PCDH9: variants seen among roughly 807,000 people sequenced by gnomAD.
PCDH9 encodes protocadherin 9, also known as protocadherin-9.
Under a neutral mutation model 70.6 loss-of-function variants are expected in PCDH9, and 24 were observed. That is an observed-to-expected ratio of 0.34 (90% confidence interval 0.25 to 0.48). The LOEUF is 0.48. PCDH9 is among the 20% of genes least tolerant of loss of function. PCDH9 has a pLI of 0.99. For synonymous variants in PCDH9, 562 were observed against 558.5 expected (o/e 1.01, Z -0.09); for missense variants, 1,281 against 1,503.6 (o/e 0.85, Z 2.45).
At chr13:66,607,950 A>C (rs1007828617) in intron 4 of PCDH9, among the ~76,000 whole-genome samples, 1 of 152,166 alleles carries the variant, frequency 6.6e-6, no homozygotes, top group Non-Finnish European at 1.5e-5. Flanking sequence ...TTGCAAAAAA[A>C]GGTTTTTCAA....
intron 3 of PCDH9, among the ~76,000 whole-genome samples, chr13:66,824,303 GTATATATATATATATATATATATATA>G (rs60742942): frequency 0.38 from 48,723 of 128,492 alleles, 9,347 homozygotes; most frequent in Admixed American, 0.45. Flanking sequence ...TTGTTTGAAA[GTATATATATATATATATATATATATA>G]TATATATATA....
intron 2 of PCDH9, among the ~76,000 whole-genome samples, chr13:66,925,991 C>T (rs535641259): frequency 3.9e-5 from 6 of 152,030 alleles, no homozygotes; most frequent in Admixed American, 3.9e-4. Flanking sequence ...TCTTTAATAA[C>T]CAAAGTATGA....
intron 3 of PCDH9, among the ~76,000 whole-genome samples, chr13:66,831,759 A>C (rs868482966): frequency 6.6e-4 from 101 of 152,268 alleles, no homozygotes; most frequent in African/African-American, 2.3e-3. Context: ...TTATAATGTG[A>C]GTCACCAGGT....
intron 3 of PCDH9, among the ~76,000 whole-genome samples, chr13:66,686,763 G>C (rs1477558967): frequency 6.6e-6 from 1 of 152,104 alleles, no homozygotes; most frequent in Non-Finnish European, 1.5e-5. Flanking sequence ...TTTGAACAGA[G>C]GCCTCTTTTA....
intron 2 of PCDH9, among the ~76,000 whole-genome samples, chr13:66,944,509 G>T (rs1175208436): frequency 1.3e-5 from 2 of 152,254 alleles, no homozygotes; most frequent in East Asian, 3.9e-4. Context: ...GTGGCCCAGA[G>T]AATTACCTAA....
At chr13:66,714,139 A>G (rs2078837148) in intron 3 of PCDH9, among the ~76,000 whole-genome samples, 1 of 152,164 alleles carries the variant, frequency 6.6e-6, no homozygotes, top group Non-Finnish European at 1.5e-5. Context: ...TGTTGCATAT[A>G]AAGAAAAGAA....
intron 4 of PCDH9, among the ~76,000 whole-genome samples, chr13:66,484,096 T>G (rs1429293750): frequency 6.6e-6 from 1 of 152,112 alleles, no homozygotes; most frequent in Non-Finnish European, 1.5e-5. Context: ...GAGAGGTACT[T>G]CTACTCAATA....
chr13:67,172,759 T>C (rs1406075693), intron 2 of PCDH9, among the ~76,000 whole-genome samples: 1 of 150,840 alleles, frequency 6.6e-6, no homozygotes, highest in Non-Finnish European at 1.5e-5. Flanking sequence ...AAGCCTGTAA[T>C]CCCAGCTACT....
chr13:67,047,764 A>T (rs1022628079), intron 2 of PCDH9, among the ~76,000 whole-genome samples: 1 of 152,210 alleles, frequency 6.6e-6, no homozygotes, highest in African/African-American at 2.4e-5. Context: ...TTACATCAAA[A>T]GCCAACTCTC....
chr13:66,738,390 G>GA (rs980914519), intron 3 of PCDH9, among the ~76,000 whole-genome samples: 11 of 151,820 alleles, frequency 7.2e-5, no homozygotes, highest in Non-Finnish European at 1.5e-4. Flanking sequence ...CAAAGATGGG[G>GA]AAAAAACAGG....
chr13:67,117,246 G>A (rs2086796059), intron 2 of PCDH9, among the ~76,000 whole-genome samples: 1 of 152,130 alleles, frequency 6.6e-6, no homozygotes, highest in Non-Finnish European at 1.5e-5. Context: ...GGTAAATTCA[G>A]CCCAGCTGAA....
intron 4 of PCDH9, among the ~76,000 whole-genome samples, chr13:66,505,412 G>C (rs956150241): frequency 6.6e-6 from 1 of 152,062 alleles, no homozygotes; most frequent in Non-Finnish European, 1.5e-5. Flanking sequence ...TCACTATCAC[G>C]AGAACAGCAC....
chr13:67,049,863 T>C (rs1265609292), intron 2 of PCDH9, among the ~76,000 whole-genome samples: 1 of 152,210 alleles, frequency 6.6e-6, no homozygotes. Flanking sequence ...CAGAACTGCA[T>C]GCAGCCAAAT....
chr13:67,047,175 G>A (rs2085238981), intron 2 of PCDH9, among the ~76,000 whole-genome samples: 1 of 152,068 alleles, frequency 6.6e-6, no homozygotes, highest in Admixed American at 6.6e-5. Context: ...TCAGATTTCT[G>A]AACACCCACT....
At chr13:66,874,397 T>C (rs546694994) in intron 3 of PCDH9, among the ~76,000 whole-genome samples, 2 of 152,284 alleles carry the variant, frequency 1.3e-5, no homozygotes, top group South Asian at 4.1e-4. Context: ...TTGTAGTCAC[T>C]TAGAGATCAT....
At chr13:67,025,491 T>A (rs1359728957) in intron 2 of PCDH9, among the ~76,000 whole-genome samples, 1 of 152,146 alleles carries the variant, frequency 6.6e-6, no homozygotes, top group African/African-American at 2.4e-5. Context: ...TATATAATTA[T>A]GACCAGATCA....
At chr13:67,192,572 G>A (rs1253336367) in intron 2 of PCDH9, among the ~76,000 whole-genome samples, 1 of 152,056 alleles carries the variant, frequency 6.6e-6, no homozygotes, top group Non-Finnish European at 1.5e-5. Context: ...CTGACTGAAC[G>A]AAAGTGAATT....
At chr13:66,819,530 C>A (rs1413389179) in intron 3 of PCDH9, among the ~76,000 whole-genome samples, 1 of 152,084 alleles carries the variant, frequency 6.6e-6, no homozygotes, top group Non-Finnish European at 1.5e-5. Context: ...GACGACACTT[C>A]TCATTGGACT....
At chr13:66,774,999 G>C (rs1413832387) in intron 3 of PCDH9, among the ~76,000 whole-genome samples, 1 of 152,046 alleles carries the variant, frequency 6.6e-6, no homozygotes, top group Non-Finnish European at 1.5e-5. Context: ...ATAATTATCA[G>C]ATTCTATCTG....
Sources: gnomAD v4.1 joint callset for allele counts (sites outside exome capture counted in the v4.1 genomes callset) on GRCh38, gnomAD v4.1.1 for gene constraint, MANE v1.5 for transcripts, NCBI Gene and HGNC (gene_info 2026-07-23, HGNC 2026-07-21) for gene names.